DGKI: variants seen among roughly 807,000 people sequenced by gnomAD.
The protein encoded by DGKI is DAG kinase iota.
A neutral mutation model predicts 147.5 loss-of-function variants in DGKI; 55 were observed. That is an observed-to-expected ratio of 0.37 (90% confidence interval 0.30 to 0.47). The LOEUF is 0.47. DGKI is among the 20% of genes least tolerant of loss of function. The pLI is 1.00. For synonymous variants in DGKI, 469 were observed against 477.1 expected (o/e 0.98, Z 0.22); for missense variants, 1,007 against 1,323.8 (o/e 0.76, Z 3.71).
At chr7:137,653,521 C>G (rs1277638583) in intron 5 of DGKI, among the ~76,000 whole-genome samples, 1 of 152,200 alleles carries the variant, frequency 6.6e-6, no homozygotes, top group African/African-American at 2.4e-5. Context: ...TCAGTACACC[C>G]TCTCTCACTT....
chr7:137,405,949 T>G (rs756545950), intron 30 of DGKI, among the ~76,000 whole-genome samples: 28 of 151,858 alleles, frequency 1.8e-4, no homozygotes, highest in African/African-American at 6.8e-4. Context: ...ATCCTAGGAC[T>G]AGGGGAGGAA....
At chr7:137,517,214 A>G (rs1816775126) in intron 21 of DGKI, among the ~76,000 whole-genome samples, 1 of 142,848 alleles carries the variant, frequency 7.0e-6, no homozygotes. Context: ...AAAAGTAAAG[A>G]AAAGAAAAGA....
intron 31 of DGKI, 128 bp from the exon 32 acceptor site, chr7:137,395,825 G>A: frequency 4.2e-6 from 3 of 709,966 alleles, no homozygotes; most frequent in Non-Finnish European, 7.0e-6. Context: ...TTGGCTGTAG[G>A]GTACATTCTG....
intron 1 of DGKI, among the ~76,000 whole-genome samples, chr7:137,707,228 C>G (rs1464952823): frequency 6.6e-6 from 1 of 152,202 alleles, no homozygotes; most frequent in Non-Finnish European, 1.5e-5. Flanking sequence ...TACCTCTATT[C>G]ACCTATGCGG....
intron 20 of DGKI, among the ~76,000 whole-genome samples, chr7:137,531,464 G>C (rs1181636478): frequency 2.0e-5 from 3 of 152,152 alleles, no homozygotes; most frequent in Non-Finnish European, 4.4e-5. Flanking sequence ...TTCTTTTACT[G>C]TCAGTTGGAG....
Position 137,381,525 on chromosome 7 carries a change from G to A in DGKI, c.*9695C>T, listed in dbSNP as rs1413405734. On this transcript the variant is annotated 3_prime_UTR_variant, in exon 33 of 33. Transcript: ENST00000614521. ...TCATACAGATGTAGCCTTTGCGAGTGGAATACCCACAGCCAAGGGTACCCT... is the reference window on the plus strand; with the variant it reads ...TCATACAGATGTAGCCTTTGCGAGTAGAATACCCACAGCCAAGGGTACCCT... 2 of 151,652 alleles carry A rather than the reference G, an allele frequency of 1.3e-5. No individual in the cohort carries two copies. Among genetic ancestry groups the A allele is most frequent in the Non-Finnish European group, 2.9e-5 (2 of 67,914 alleles). The allele number at this position is 151,652 out of a possible 1,614,324, so 9.4% of individuals were successfully genotyped here. A position where few individuals can be genotyped will look rare whatever the true frequency, so the allele number is the denominator to read the frequency against.
At chr7:137,436,097 C>A (rs574540395) in intron 28 of DGKI, among the ~76,000 whole-genome samples, 9 of 152,206 alleles carry the variant, frequency 5.9e-5, no homozygotes, top group African/African-American at 2.2e-4. Flanking sequence ...TCTTAATCTT[C>A]TTTACTCGTA....
At chr7:137,416,011 AAAAC>A (rs1365180057) in intron 28 of DGKI, among the ~76,000 whole-genome samples, 3 of 152,174 alleles carry the variant, frequency 2.0e-5, no homozygotes, top group South Asian at 2.1e-4. Context: ...ACAAACAAAA[AAAAC>A]AACAACAAAA....
chr7:137,535,898 A>G (rs1391690289), intron 20 of DGKI, among the ~76,000 whole-genome samples: 1 of 152,094 alleles, frequency 6.6e-6, no homozygotes, highest in Non-Finnish European at 1.5e-5. Flanking sequence ...TCTCAGTTCA[A>G]ATGCCACTCC....
At chr7:137,796,951 T>A (rs1166584331) in intron 1 of DGKI, among the ~76,000 whole-genome samples, 1 of 152,138 alleles carries the variant, frequency 6.6e-6, no homozygotes. Flanking sequence ...AGTCTATACA[T>A]CTAAGAAGCA....
chr7:137,623,843 A>G (rs915024694), intron 6 of DGKI, among the ~76,000 whole-genome samples: 1 of 152,228 alleles, frequency 6.6e-6, no homozygotes, highest in Non-Finnish European at 1.5e-5. Flanking sequence ...TTTTGAAAAA[A>G]TAAATGTTGT....
chr7:137,842,370 C>T (rs1204282559), intron 1 of DGKI, among the ~76,000 whole-genome samples: 3 of 152,198 alleles, frequency 2.0e-5, no homozygotes, highest in African/African-American at 7.2e-5. Context: ...TAAAGAATAA[C>T]AGATCATTTT....
Position 137,609,697 on chromosome 7 carries a change from G to A in DGKI, c.994-88C>T, listed in dbSNP as rs141375778. On this transcript the variant is annotated intron_variant, in intron 8 of 32. Coordinates refer to ENST00000614521, the MANE Select transcript of DGKI (RefSeq NM_001321708.2). The stretch of plus-strand genomic sequence containing the variant: ...GAACCAAGTAGAAGATGACGGCAGC[G>A]CATGCTGTTCCACTGCATGCTTCTC... 6,196 of 889,514 alleles carry A rather than the reference G, an allele frequency of 7.0e-3. 42 individuals carry two copies. The highest frequency in any genetic ancestry group is 7.9e-3 in the Non-Finnish European group (4,323 of 547,812). 55.1% of individuals were successfully genotyped at this position (889,514 alleles called of 1,614,324 possible).
chr7:137,444,748 C>A (rs1813647805), intron 27 of DGKI, among the ~76,000 whole-genome samples: 1 of 152,166 alleles, frequency 6.6e-6, no homozygotes, highest in Non-Finnish European at 1.5e-5. Flanking sequence ...ATAATCAGAT[C>A]TCAAATGAAA....
chr7:137,404,674 T>C (rs1811875873), intron 30 of DGKI, among the ~76,000 whole-genome samples: 1 of 152,198 alleles, frequency 6.6e-6, no homozygotes, highest in East Asian at 1.9e-4. Context: ...TTAGGATGAT[T>C]ACTGTGAACA....
chr7:137,641,478 T>A (rs956715186), intron 6 of DGKI, among the ~76,000 whole-genome samples: 5 of 152,188 alleles, frequency 3.3e-5, no homozygotes, highest in Non-Finnish European at 7.4e-5. Context: ...CCTGACCTCA[T>A]GTGATAGCTC....
chr7:137,707,107 A>T (rs1794062043), intron 1 of DGKI, among the ~76,000 whole-genome samples: 1 of 151,982 alleles, frequency 6.6e-6, no homozygotes, highest in Admixed American at 6.5e-5. Flanking sequence ...GTTCATTTTG[A>T]TCTTGTTCAT....
At chr7:137,427,017 C>T (rs1812840083) in intron 28 of DGKI, among the ~76,000 whole-genome samples, 1 of 150,534 alleles carries the variant, frequency 6.6e-6, no homozygotes, top group Non-Finnish European at 1.5e-5. Context: ...CAAGGATACC[C>T]AGGAATTGAA....
At chr7:137,427,684 A>T (rs1234783894) in intron 28 of DGKI, among the ~76,000 whole-genome samples, 1 of 151,582 alleles carries the variant, frequency 6.6e-6, no homozygotes, top group Non-Finnish European at 1.5e-5. Flanking sequence ...AGAGAGAAGA[A>T]TCAAATAGAT....
Sources: allele counts gnomAD v4.1 joint callset (sites outside exome capture counted in the v4.1 genomes callset), GRCh38; gene constraint gnomAD v4.1.1; transcripts MANE v1.5; gene names NCBI Gene and HGNC (gene_info 2026-07-23, HGNC 2026-07-21).